TUBA4B: variants seen among roughly 807,000 people sequenced by gnomAD.
TUBA4B encodes the protein tubulin alpha 4b.
Under a neutral mutation model 18.4 loss-of-function variants are expected in TUBA4B, and 13 were observed. The observed-to-expected ratio is 0.71, with a 90% CI of 0.46 to 1.12. The LOEUF is 1.12. Among genes scored for constraint, TUBA4B ranks in the 50% most tolerant of loss-of-function variants. TUBA4B has a pLI of 0.00. For missense variants in TUBA4B, 244 were observed against 250.0 expected, an observed-to-expected ratio of 0.98 and a Z score of 0.16; for synonymous variants, 101 against 99.1, an observed-to-expected ratio of 1.02 and a Z score of -0.11.
At chr2:219,257,329 C>T (rs1574889737) in intron 1 of TUBA4B, among the ~76,000 whole-genome samples, 1 of 145,324 alleles carries the variant, frequency 6.9e-6, no homozygotes, top group South Asian at 2.2e-4. Context: ...GTGTGAGCCA[C>T]TGCGCCCAGC....
chr2:219,253,797 TC>T, intron 1 of TUBA4B: 3 of 1,532,052 alleles, frequency 2.0e-6, no homozygotes, highest in South Asian at 1.2e-5. Context: ...GGAAGAAGTG[TC>T]CCCCAAAGGA....
chr2:219,266,746 G>A (rs1048044604), intron 2 of TUBA4B, among the ~76,000 whole-genome samples, 180 bp downstream of exon 2: 2 of 152,148 alleles, frequency 1.3e-5, no homozygotes, highest in Non-Finnish European at 1.5e-5. Flanking sequence ...TGCAGGTGTG[G>A]GGGGCATCAC....
chr2:219,254,749 C>T (rs1951703030), intron 1 of TUBA4B: 1 of 152,392 alleles, frequency 6.6e-6, no homozygotes, highest in East Asian at 1.9e-4. Context: ...GTGACTTAAC[C>T]TCACTGAGTC....
intron 1 of TUBA4B, among the ~76,000 whole-genome samples, chr2:219,262,905 G>A (rs570633100): frequency 1.3e-5 from 2 of 152,110 alleles, no homozygotes; most frequent in East Asian, 3.9e-4. Flanking sequence ...GCCAGGCATG[G>A]TGGCATGCGC....
chr2:219,268,234 G>A (rs1160337962), intron 2 of TUBA4B, among the ~76,000 whole-genome samples: 5 of 149,446 alleles, frequency 3.3e-5, no homozygotes, highest in African/African-American at 9.9e-5. Context: ...TCAGCCTCCC[G>A]AGTAGCTGGG....
chr2:219,271,612 G>T lies in TUBA4B; in HGVS notation c.639G>T (p.Gln213His), dbSNP rs780010232. Residue 213 changes from glutamine to histidine, a missense_variant, in exon 4 of 4, where the codon CAG becomes CAT. Gln to His is a conservative substitution (Grantham distance 24, BLOSUM62 0). Transcript: ENST00000490341. The part of the protein sequence containing the change: ...TSTSPWPPMH[Q>H]SSLQKRYTTS... Reference sequence around the variant, plus strand: ...CTTCCCCCTGGCCACCTATGCACCAGTCATCTCTGCAGAAAAGGTATACCA... The same window carrying T: ...CTTCCCCCTGGCCACCTATGCACCATTCATCTCTGCAGAAAAGGTATACCA... 5 of 1,614,000 alleles carry T rather than the reference G, an allele frequency of 3.1e-6. No homozygotes were observed. Among genetic ancestry groups the T allele is most frequent in the African/African-American group, 1.3e-5 (1 of 74,916 alleles).
At chr2:219,253,784 C>G (rs534752241) in intron 1 of TUBA4B, 23 of 1,518,612 alleles carry the variant, frequency 1.5e-5, no homozygotes, top group Admixed American at 8.7e-5. Context: ...CCCGAGCATG[C>G]CTGGAAGAAG....
rs1402104244 is a variant in TUBA4B at position 219,271,985 on chromosome 2, T to G, written c.*286T>G. 1.2e-5 allele frequency: 18 copies of G among 1,523,340 alleles called. No homozygotes were observed. The highest frequency in any genetic ancestry group is 1.7e-5 in the Admixed American group (1 of 59,800). The allele number at this position is 1,523,340 out of a possible 1,614,324, so 94.4% of individuals were successfully genotyped here. On this transcript the variant is annotated 3_prime_UTR_variant, in exon 4 of 4. Coordinates refer to ENST00000490341, the MANE Select transcript of TUBA4B (RefSeq NM_001355221.1). ...TGGACCACAAGTTTGACCTGATGTATGCCAAGAGGGCGTTTGGGCACTGAT... is the reference window on the plus strand; with the variant it reads ...TGGACCACAAGTTTGACCTGATGTAGGCCAAGAGGGCGTTTGGGCACTGAT...
intron 1 of TUBA4B, among the ~76,000 whole-genome samples, chr2:219,256,051 T>C (rs892695193): frequency 1.3e-5 from 2 of 152,202 alleles, no homozygotes; most frequent in African/African-American, 2.4e-5. Flanking sequence ...GTGGTGACTA[T>C]AGGACACATG....
intron 1 of TUBA4B, chr2:219,266,291 T>G: frequency 1.9e-6 from 1 of 531,916 alleles, no homozygotes. Flanking sequence ...CCTGGATACC[T>G]GTGTGGAGTT....
intron 2 of TUBA4B, among the ~76,000 whole-genome samples, chr2:219,268,047 GC>G (rs1201563193): frequency 6.6e-6 from 1 of 151,498 alleles, no homozygotes; most frequent in Non-Finnish European, 1.5e-5. Flanking sequence ...AGCCAAGGCA[GC>G]CCCAGGATTG....
chr2:219,254,457 C>A (rs1015052163), intron 1 of TUBA4B: 7 of 152,312 alleles, frequency 4.6e-5, no homozygotes, highest in South Asian at 2.1e-4. Context: ...CGCCTGTGGG[C>A]GGCCGAGGAC....
chr2:219,269,205 A>T (rs921645519), intron 2 of TUBA4B, among the ~76,000 whole-genome samples: 3 of 152,210 alleles, frequency 2.0e-5, no homozygotes, highest in Admixed American at 2.0e-4. Flanking sequence ...GAGCACCATT[A>T]TTCCAAATTT....
intron 1 of TUBA4B, among the ~76,000 whole-genome samples, chr2:219,257,747 G>A (rs1032879211): frequency 5.3e-5 from 8 of 151,110 alleles, no homozygotes; most frequent in Non-Finnish European, 1.0e-4. Flanking sequence ...AACCAGGGAG[G>A]CAGAAGTTGT....
chr2:219,270,207 T>C lies in TUBA4B; in HGVS notation c.64T>C (p.Tyr22His), dbSNP rs888321273. 2.7e-6 allele frequency: 2 copies of C among 751,662 alleles called. No homozygotes were observed. Among genetic ancestry groups the C allele is most frequent in the South Asian group, 2.8e-5 (2 of 71,336 alleles). The allele number at this position is 751,662 out of a possible 1,614,324, so 46.6% of individuals were successfully genotyped here. ...TGCAGATGAACTTTGAACAGGCACA[T>C]ACCGCCAGATCTTCCATCCAGAGCA... ...SQPLSRQHGT[Y>H]RQIFHPEQLI... Residue 22 changes from tyrosine to histidine, a missense_variant, in exon 3 of 4, where the codon TAC becomes CAC. Tyr to His is a moderately conservative substitution (Grantham distance 83, BLOSUM62 2). Coordinates refer to ENST00000490341, the MANE Select transcript of TUBA4B (RefSeq NM_001355221.1).
intron 1 of TUBA4B, among the ~76,000 whole-genome samples, chr2:219,262,730 A>C (rs1241535822): frequency 1.3e-5 from 2 of 152,070 alleles, no homozygotes; most frequent in Non-Finnish European, 2.9e-5. Context: ...TGCCCAGGCT[A>C]GAATGTAAGC....
At chr2:219,265,079 T>C (rs923022947) in intron 1 of TUBA4B, among the ~76,000 whole-genome samples, 6 of 152,168 alleles carry the variant, frequency 3.9e-5, no homozygotes, top group African/African-American at 1.4e-4. Context: ...TGACCCTGGC[T>C]GGCCATGGAA....
intron 1 of TUBA4B, among the ~76,000 whole-genome samples, chr2:219,264,849 G>A (rs1437506763): frequency 6.6e-6 from 1 of 152,202 alleles, no homozygotes; most frequent in Non-Finnish European, 1.5e-5. Flanking sequence ...GGGCTACTGT[G>A]GTGTGATTTC....
intron 1 of TUBA4B, chr2:219,254,117 C>G (rs1314439566): frequency 7.4e-6 from 3 of 404,018 alleles, no homozygotes; most frequent in Non-Finnish European, 1.3e-5. Flanking sequence ...GATTAAGAGT[C>G]GCGATTCGGG....
Sources: allele counts gnomAD v4.1 joint callset (sites outside exome capture counted in the v4.1 genomes callset), GRCh38; gene constraint gnomAD v4.1.1; transcripts MANE v1.5; gene names NCBI Gene and HGNC (gene_info 2026-07-23, HGNC 2026-07-21).